SLC13A1: variants seen among roughly 807,000 people sequenced by gnomAD.
SLC13A1 encodes Na(+)/sulfate cotransporter.
SLC13A1 carries 65 observed loss-of-function variants against 70.0 expected under a neutral mutation model. That is an observed-to-expected ratio of 0.93 (90% CI 0.76 to 1.14). The LOEUF is 1.14. SLC13A1 is among the 50% of genes most tolerant of loss of function. The pLI, the probability that SLC13A1 is intolerant of heterozygous loss-of-function variation, is 0.00. For synonymous variants in SLC13A1, 275 were observed against 250.5 expected (o/e 1.10, Z -0.92); for missense variants, 726 against 717.8 (o/e 1.01, Z -0.13).
At chr7:123,165,447 A>G (rs1795038377) in intron 6 of SLC13A1, among the ~76,000 whole-genome samples, 2 of 152,124 alleles carry the variant, frequency 1.3e-5, no homozygotes, top group South Asian at 4.1e-4. Flanking sequence ...TCTGCATTCT[A>G]ATCAATGGCA....
At chr7:123,134,999 C>T (rs1793906172) in intron 7 of SLC13A1, among the ~76,000 whole-genome samples, 2 of 152,082 alleles carry the variant, frequency 1.3e-5, no homozygotes, top group Admixed American at 6.5e-5. Context: ...AATTCTTGGC[C>T]ATGTGAAAGT....
intron 6 of SLC13A1, among the ~76,000 whole-genome samples, chr7:123,164,167 G>A (rs1416043551): frequency 6.6e-6 from 1 of 151,978 alleles, no homozygotes; most frequent in Non-Finnish European, 1.5e-5. Context: ...AGGGAGATTA[G>A]GGTAGGTCTT....
At chr7:123,169,980 A>T (rs919685142) in intron 3 of SLC13A1, among the ~76,000 whole-genome samples, 1 of 152,172 alleles carries the variant, frequency 6.6e-6, no homozygotes, top group African/African-American at 2.4e-5. Context: ...TATTGTCAAG[A>T]TCTGGACACA....
intron 6 of SLC13A1, among the ~76,000 whole-genome samples, chr7:123,154,228 A>G (rs1182302638): frequency 6.6e-6 from 1 of 152,112 alleles, no homozygotes; most frequent in African/African-American, 2.4e-5. Flanking sequence ...ACTACATTTG[A>G]GTTCCATTTC....
At chr7:123,131,743 G>T (rs2896321) in intron 8 of SLC13A1, among the ~76,000 whole-genome samples, 3 of 143,678 alleles carry the variant, frequency 2.1e-5, no homozygotes, top group Non-Finnish European at 4.4e-5. Flanking sequence ...GCTGGAGCAT[G>T]AATCTGTGCA....
At chr7:123,117,659 G>T (rs372574173) in intron 13 of SLC13A1, 51 bp from the exon 14 acceptor site, 3 of 1,265,336 alleles carry the variant, frequency 2.4e-6, no homozygotes, top group Non-Finnish European at 3.2e-6. Context: ...GGGTAGACAC[G>T]AAACATAAAA....
intron 6 of SLC13A1, among the ~76,000 whole-genome samples, chr7:123,160,157 G>A (rs985912090): frequency 2.6e-5 from 4 of 151,646 alleles, no homozygotes; most frequent in African/African-American, 9.7e-5. Flanking sequence ...TGTAATCCCA[G>A]CTACTCAGGA....
rs1793676554 is a variant in SLC13A1 at position 123,129,360 on chromosome 7, GTGTGTGTGTGTGTT to G, written c.1031+9_1031+22del. 7.7e-6 allele frequency: 8 copies of G among 1,036,144 alleles called. No homozygotes were observed. The highest frequency in any genetic ancestry group is 2.2e-5 in the Admixed American group (1 of 46,050). 64.2% of individuals were successfully genotyped at this position (1,036,144 alleles called of 1,614,324 possible). A position where few individuals can be genotyped will look rare whatever the true frequency, so the allele number is the denominator to read the frequency against. ...TGTGTGTGTGTGTGTGTGTGTGTGTGTGTGTGTGTGTGTTTGTCTTACCTTATTGGCCCAAGCTT... is the reference window on the plus strand; with the variant it reads ...TGTGTGTGTGTGTGTGTGTGTGTGTGTGTCTTACCTTATTGGCCCAAGCTT... On this transcript the variant is annotated intron_variant, in intron 9 of 14. Coordinates refer to ENST00000194130, the MANE Select transcript of SLC13A1 (RefSeq NM_022444.4).
intron 13 of SLC13A1, 55 bp downstream of exon 13, chr7:123,119,026 G>A (rs781678933): frequency 2.5e-5 from 37 of 1,473,342 alleles, no homozygotes; most frequent in South Asian, 7.7e-5. Context: ...CCAGCATTCC[G>A]AAGCAGAGTA....
chr7:123,166,709 A>G (rs1585364281), intron 6 of SLC13A1, among the ~76,000 whole-genome samples: 2 of 152,102 alleles, frequency 1.3e-5, no homozygotes, highest in African/African-American at 2.4e-5. Context: ...CCATGTCCCT[A>G]CAAAGGACAT....
At chr7:123,181,191 T>C in intron 1 of SLC13A1, 90 bp from the exon 2 acceptor site, 1 of 1,372,806 alleles carries the variant, frequency 7.3e-7, no homozygotes, top group East Asian at 2.5e-5. Flanking sequence ...AATAGAGCCA[T>C]GTCACAGAGA....
At chr7:123,173,023 T>G (rs10251559) in intron 2 of SLC13A1, among the ~76,000 whole-genome samples, 7,685 of 152,182 alleles carry the variant, frequency 0.05, 631 homozygotes, top group African/African-American at 0.17. Context: ...GTATTCAAGA[T>G]AACTTACTTT....
chr7:123,156,344 G>T (rs1037782143), intron 6 of SLC13A1, among the ~76,000 whole-genome samples: 6 of 151,976 alleles, frequency 3.9e-5, no homozygotes, highest in African/African-American at 7.2e-5. Flanking sequence ...TATTTAACCT[G>T]CCATCTTAAT....
intron 6 of SLC13A1, among the ~76,000 whole-genome samples, chr7:123,150,687 T>C (rs1229260708): frequency 6.6e-6 from 1 of 152,148 alleles, no homozygotes; most frequent in Admixed American, 6.6e-5. Flanking sequence ...TAGGAACCTT[T>C]CAATCTCAAC....
At chr7:123,199,665 C>T (rs1462936253) in intron 1 of SLC13A1, among the ~76,000 whole-genome samples, 183 bp downstream of exon 1, 2 of 151,938 alleles carry the variant, frequency 1.3e-5, no homozygotes, top group African/African-American at 2.4e-5. Flanking sequence ...TAAGAATCAA[C>T]CAATGTTAAT....
At chr7:123,123,883 A>G (rs1041021354) in intron 11 of SLC13A1, among the ~76,000 whole-genome samples, 5 of 152,166 alleles carry the variant, frequency 3.3e-5, no homozygotes, top group Admixed American at 2.6e-4. Context: ...ATTTGGAGAC[A>G]TATTCTGCCC....
chr7:123,194,153 G>A (rs1375412314), intron 1 of SLC13A1, among the ~76,000 whole-genome samples: 3 of 152,076 alleles, frequency 2.0e-5, no homozygotes, highest in Non-Finnish European at 2.9e-5. Context: ...AAAGCAAAAC[G>A]GAAGACATAC....
chr7:123,114,500 C>A lies in SLC13A1; in HGVS notation c.*1018G>T, dbSNP rs1276634446. 4 of 151,498 alleles carry A rather than the reference C, an allele frequency of 2.6e-5. No homozygotes were observed. Among genetic ancestry groups the A allele is most frequent in the Non-Finnish European group, 5.9e-5 (4 of 67,858 alleles). 9.4% of individuals were successfully genotyped at this position (151,498 alleles called of 1,614,324 possible). A position where few individuals can be genotyped will look rare whatever the true frequency, so the allele number is the denominator to read the frequency against. On this transcript the variant is annotated 3_prime_UTR_variant, in exon 15 of 15. Transcript: ENST00000194130. ...TGTTTTGTAATACGTCAGCAGTTTT[C>A]ATTCTTATTCTTTTTTCCTTCTTTT...
intron 14 of SLC13A1, 56 bp from the exon 15 acceptor site, chr7:123,115,711 T>G (rs936424423): frequency 1.3e-6 from 2 of 1,586,178 alleles, no homozygotes; most frequent in African/African-American, 2.7e-5. Context: ...TACAGGAGAT[T>G]AGAATCCTAT....
Sources: gnomAD v4.1 joint callset for allele counts (sites outside exome capture counted in the v4.1 genomes callset) on GRCh38, gnomAD v4.1.1 for gene constraint, MANE v1.5 for transcripts, NCBI Gene and HGNC (gene_info 2026-07-23, HGNC 2026-07-21) for gene names.